The following ADSL variants were observed in gnomAD, a reference collection of about 807,000 sequenced individuals.
ADSL encodes adenylosuccinate lyase.
ADSL carries 44 observed loss-of-function variants against 62.1 expected under a neutral mutation model. The observed-to-expected ratio is 0.71, with a 90% confidence interval of 0.56 to 0.91. ADSL has a LOEUF of 0.91. ADSL is among the 40% of genes least tolerant of loss of function. The pLI is 0.00. For synonymous variants in ADSL, 198 were observed against 220.5 expected (o/e 0.90, Z 0.90); for missense variants, 531 against 627.4 (o/e 0.85, Z 1.64).
intron 2 of ADSL, among the ~76,000 whole-genome samples, 190 bp from the exon 3 acceptor site, chr22:40,352,883 T>C (rs1040903540): frequency 3.9e-5 from 6 of 152,236 alleles, no homozygotes; most frequent in Admixed American, 1.3e-4. Flanking sequence ...ACTGTTAAGC[T>C]GGTGTGCTTT....
At chr22:40,357,781 T>A (rs1025845611) in intron 4 of ADSL, among the ~76,000 whole-genome samples, 1 of 152,226 alleles carries the variant, frequency 6.6e-6, no homozygotes, top group African/African-American at 2.4e-5. Context: ...GTTTCTTTTT[T>A]TTCATTTGTT....
intron 2 of ADSL, among the ~76,000 whole-genome samples, chr22:40,384,965 G>T (rs901818192): frequency 6.6e-6 from 1 of 152,172 alleles, no homozygotes; most frequent in Non-Finnish European, 1.5e-5. Context: ...CATTAGGAAT[G>T]GACTAAAAGA....
At chr22:40,375,735 G>A (rs925150319) in intron 2 of ADSL, among the ~76,000 whole-genome samples, 1 of 150,970 alleles carries the variant, frequency 6.6e-6, no homozygotes, top group Admixed American at 6.6e-5. Context: ...TAATTAGCCT[G>A]CAAGCTAACA....
downstream of ADSL, among the ~76,000 whole-genome samples, chr22:40,373,167 G>A (rs1459751795): frequency 6.6e-6 from 1 of 152,200 alleles, no homozygotes; most frequent in Non-Finnish European, 1.5e-5. Flanking sequence ...ACAGGTCACT[G>A]TAAGTGACAG....
At chr22:40,362,900 A>T in intron 9 of ADSL, 81 bp from the exon 10 acceptor site, 2 of 1,272,516 alleles carry the variant, frequency 1.6e-6, no homozygotes, top group Non-Finnish European at 2.3e-6. Flanking sequence ...TACAGTCAGT[A>T]GGGCAACTTG....
rs779350776 is a variant in ADSL, at chr22:40,362,963, T to C, written c.1011-18T>C. Reference sequence around the variant, plus strand: ...ATTATTTGTTTAAAGACATACTGAATGGCTATTTGTTTTCTAGACGGATCT... The same window carrying C: ...ATTATTTGTTTAAAGACATACTGAACGGCTATTTGTTTTCTAGACGGATCT... On this transcript the variant is annotated intron_variant, in intron 9 of 12. Coordinates refer to ENST00000623063, the MANE Select transcript of ADSL (RefSeq NM_000026.4). 29 of 1,601,248 alleles carry C rather than the reference T, an allele frequency of 1.8e-5. No homozygotes were observed. Among genetic ancestry groups the C allele is most frequent in the Admixed American group, 1.7e-4 (10 of 59,980 alleles).
intron 2 of ADSL, among the ~76,000 whole-genome samples, chr22:40,384,377 AAC>A (rs1302751351): frequency 6.6e-6 from 1 of 152,244 alleles, no homozygotes; most frequent in Non-Finnish European, 1.5e-5. Context: ...TTATTCAGGA[AAC>A]ACAGATTTTA....
chr22:40,370,138 G>A (rs1196903669), downstream of ADSL, among the ~76,000 whole-genome samples: 1 of 151,950 alleles, frequency 6.6e-6, no homozygotes, highest in South Asian at 2.1e-4. Flanking sequence ...TCAGGAGTTC[G>A]AGACCAGCCT....
chr22:40,375,104 CTA>C (rs1453825128), intron 2 of ADSL, among the ~76,000 whole-genome samples: 1 of 152,160 alleles, frequency 6.6e-6, no homozygotes, highest in African/African-American at 2.4e-5. Flanking sequence ...GCACAGTTAA[CTA>C]TTAACTGTCT....
Position 40,359,394 on chromosome 22 carries a change from T to C in ADSL, c.701+88T>C, listed in dbSNP as rs2044682825. 4 of 1,404,790 alleles carry C rather than the reference T, an allele frequency of 2.8e-6. No homozygotes were observed. In the African/African-American group the frequency reaches 5.7e-5, roughly 20 times the overall value. 87.0% of individuals were successfully genotyped at this position (1,404,790 alleles called of 1,614,324 possible). ...CCTGCAGATTTGACCTTACAATTTT[T>C]GCCTTTTTCTTCCTTTGTTCTTCTA... On this transcript the variant is annotated intron_variant, in intron 6 of 12. Transcript: ENST00000623063.
At position 40,368,405 on chromosome 22, in the gene ADSL, G is replaced by C. The variant is rs2045060910; in HGVS notation, c.*1883G>C. On this transcript the variant is annotated 3_prime_UTR_variant, in exon 13 of 13. Coordinates refer to ENST00000623063, the MANE Select transcript of ADSL (RefSeq NM_000026.4). ...TACAGTCCCAGCTACTTGGGAAGCT[G>C]AGGCGATAGGGTCACTTGAGCCCAA... 6.6e-6 allele frequency: 1 copy of C among 152,198 alleles called. No homozygotes were observed. The highest frequency in any genetic ancestry group is 1.5e-5 in the Non-Finnish European group (1 of 68,050). The allele number at this position is 152,198 out of a possible 1,614,324, so 9.4% of individuals were successfully genotyped here. A position where few individuals can be genotyped will look rare whatever the true frequency, so the allele number is the denominator to read the frequency against.
chr22:40,359,906 ATGT>A (rs1294785800), intron 6 of ADSL, among the ~76,000 whole-genome samples: 1 of 152,124 alleles, frequency 6.6e-6, no homozygotes, highest in African/African-American at 2.4e-5. Flanking sequence ...ACCTTTATCC[ATGT>A]TGTTACCATT....
intron 2 of ADSL, among the ~76,000 whole-genome samples, chr22:40,352,328 C>A (rs1053075477): frequency 2.0e-5 from 3 of 151,986 alleles, no homozygotes; most frequent in Non-Finnish European, 4.4e-5. Context: ...GTGATTGAGA[C>A]CATCCTGGCT....
In ADSL at chr22:40,364,972, G is replaced by A; in HGVS notation, c.1284G>A (p.Gln428=). 1.2e-6 allele frequency: 2 copies of A among 1,614,134 alleles called. No homozygotes were observed. The highest frequency in any genetic ancestry group is 1.1e-5 in the South Asian group (1 of 91,084). Residue 428 remains glutamine, a synonymous_variant, in exon 12 of 13, where the codon CAG becomes CAA. Coordinates refer to ENST00000623063, the MANE Select transcript of ADSL (RefSeq NM_000026.4). Reference sequence around the variant, plus strand: ...ACAATGACCTCATAGAGCGTATCCAGGTTGATGCCTACTTCAGTCCCATTC... The same window carrying A: ...ACAATGACCTCATAGAGCGTATCCAAGTTGATGCCTACTTCAGTCCCATTC... The part of the protein sequence containing the change: ...GGDNDLIERI[Q]VDAYFSPIHS...
chr22:40,373,812 C>T (rs1431904063), downstream of ADSL, among the ~76,000 whole-genome samples: 1 of 152,054 alleles, frequency 6.6e-6, no homozygotes, highest in Non-Finnish European at 1.5e-5. Context: ...GACGAGGTTT[C>T]ACCATGTTGG....
intron 2 of ADSL, among the ~76,000 whole-genome samples, chr22:40,381,681 G>A (rs1018271859): frequency 2.6e-4 from 39 of 152,266 alleles, no homozygotes; most frequent in African/African-American, 8.7e-4. Flanking sequence ...GGGGCCGGGC[G>A]TAGTGGTTCA....
chr22:40,376,886 CAGTTAGCTTCG>C (rs2046723458), intron 2 of ADSL, among the ~76,000 whole-genome samples: 1 of 152,138 alleles, frequency 6.6e-6, no homozygotes, highest in Admixed American at 6.6e-5. Flanking sequence ...TTAAGTACTA[CAGTTAGCTTCG>C]AGTTTACAAA....
chr22:40,349,840 T>C lies in ADSL; in HGVS notation c.162T>C (p.Gly54=). The stretch of plus-strand genomic sequence containing the variant: ...TTTTGCCTATTCTGCAGACATTGGG[T>C]TTGCCTATCACAGATGAACAAATCC... The part of the protein sequence containing the change: ...LWLAEAEQTL[G]LPITDEQIQE... The change falls in exon 2 of 13, where the codon GGT becomes GGC. Residue 54 remains glycine, a synonymous_variant. Transcript: ENST00000623063. 1 of 1,613,934 alleles carries C rather than the reference T, an allele frequency of 6.2e-7. No individual in the cohort carries two copies. The highest frequency in any genetic ancestry group is 8.5e-7 in the Non-Finnish European group (1 of 1,179,898).
At chr22:40,358,419 A>G (rs1013149848) in intron 4 of ADSL, among the ~76,000 whole-genome samples, 4 of 152,104 alleles carry the variant, frequency 2.6e-5, no homozygotes, top group African/African-American at 4.8e-5. Flanking sequence ...CCCCGTCACT[A>G]CAAAAAATTT....
Sources: allele counts gnomAD v4.1 joint callset (sites outside exome capture counted in the v4.1 genomes callset), GRCh38; gene constraint gnomAD v4.1.1; transcripts MANE v1.5; gene names NCBI Gene and HGNC (gene_info 2026-07-23, HGNC 2026-07-21).